Variants in PBX3 observed in about 807,000 individuals in gnomAD.
The protein encoded by PBX3 is PBX homeobox 3.
PBX3 carries 14 observed loss-of-function variants against 48.5 expected under a neutral mutation model. That is an observed-to-expected ratio of 0.29 (90% CI 0.19 to 0.45). The LOEUF (loss-of-function observed/expected upper bound fraction) is 0.45. Among genes scored for constraint, PBX3 ranks in the 20% least tolerant of loss-of-function variants. PBX3 has a pLI of 1.00. For synonymous variants in PBX3, 210 were observed against 200.3 expected (o/e 1.05, Z -0.41); for missense variants, 386 against 546.7 (o/e 0.71, Z 2.93).
At chr9:125,815,996 G>GTC (rs998970512) in intron 2 of PBX3, among the ~76,000 whole-genome samples, 15 of 151,066 alleles carry the variant, frequency 9.9e-5, no homozygotes, top group Admixed American at 2.0e-4. Context: ...GCCTCCCTCC[G>GTC]TCTCTCTCTC....
intron 2 of PBX3, among the ~76,000 whole-genome samples, chr9:125,856,972 A>T (rs886103552): frequency 1.3e-5 from 2 of 152,214 alleles, no homozygotes; most frequent in Non-Finnish European, 2.9e-5. Flanking sequence ...TTAAAGGAAT[A>T]TACAGTTTAA....
In PBX3 at chr9:125,779,729, C is replaced by T. The variant is rs201001995; in HGVS notation, c.274+31106C>T. 9.6e-3 allele frequency among the ~76,000 whole-genome samples: 1,389 copies of T among 144,596 alleles called. 5 individuals are homozygous for T. The highest frequency in any genetic ancestry group is 0.09 in the East Asian group (389 of 4,342). The allele number at this position is 144,596 out of a possible 152,430, so 94.9% of individuals were successfully genotyped here. A position where few individuals can be genotyped will look rare whatever the true frequency, so the allele number is the denominator to read the frequency against. On this transcript the variant is annotated intron_variant, in intron 2 of 8. Coordinates refer to ENST00000373489, the MANE Select transcript of PBX3 (RefSeq NM_006195.6). ...CCACCTTTTCCCCCTTTCTATTCCA[C>T]AAAACCGCCATTGTCATCCCGGCCC...
At chr9:125,965,338 G>A (rs1842508634) in intron 8 of PBX3, among the ~76,000 whole-genome samples, 1 of 152,146 alleles carries the variant, frequency 6.6e-6, no homozygotes. Flanking sequence ...GATCCTATTT[G>A]GAGGGAAATT....
At chr9:125,919,540 A>T (rs183519677) in intron 3 of PBX3, among the ~76,000 whole-genome samples, 1 of 152,024 alleles carries the variant, frequency 6.6e-6, no homozygotes, top group Admixed American at 6.6e-5. Context: ...TCCAGAAATT[A>T]TATTTTTCCT....
At chr9:125,797,080 T>C (rs193252888) in intron 2 of PBX3, among the ~76,000 whole-genome samples, 101 of 152,212 alleles carry the variant, frequency 6.6e-4, no homozygotes, top group Middle Eastern at 3.4e-3. Flanking sequence ...TTATTCATTT[T>C]AAAAAATCAA....
At chr9:125,791,445 G>T (rs1445407203) in intron 2 of PBX3, among the ~76,000 whole-genome samples, 1 of 152,104 alleles carries the variant, frequency 6.6e-6, no homozygotes, top group Non-Finnish European at 1.5e-5. Context: ...TGGAGGAGGG[G>T]CTTGGTGGCA....
intron 2 of PBX3, among the ~76,000 whole-genome samples, chr9:125,869,134 A>G (rs1430063423): frequency 7.9e-5 from 12 of 152,192 alleles, no homozygotes; most frequent in Non-Finnish European, 2.9e-5. Context: ...GACACCATTA[A>G]AAGTAATAAG....
chr9:125,824,995 T>A (rs1299093905), intron 2 of PBX3, among the ~76,000 whole-genome samples: 1 of 152,162 alleles, frequency 6.6e-6, no homozygotes, highest in Non-Finnish European at 1.5e-5. Context: ...TTAAAAATAA[T>A]TGAGAATTGC....
chr9:125,769,078 A>G (rs1449417661), intron 2 of PBX3, among the ~76,000 whole-genome samples: 1 of 152,222 alleles, frequency 6.6e-6, no homozygotes, highest in Non-Finnish European at 1.5e-5. Context: ...ATTTTGTCAC[A>G]GAATATTAAA....
At chr9:125,964,778 C>T (rs1376497717) in intron 8 of PBX3, among the ~76,000 whole-genome samples, 5 of 152,166 alleles carry the variant, frequency 3.3e-5, no homozygotes, top group Non-Finnish European at 1.5e-5. Flanking sequence ...GGAATCTAGA[C>T]AAGAGTTCTC....
chr9:125,797,346 C>T (rs1837815111), intron 2 of PBX3: 1 of 152,052 alleles, frequency 6.6e-6, no homozygotes, highest in African/African-American at 2.4e-5. Flanking sequence ...CTAAATCATA[C>T]TGTATTCTGG....
chr9:125,783,863 T>C (rs1837389579), intron 2 of PBX3, among the ~76,000 whole-genome samples: 1 of 151,920 alleles, frequency 6.6e-6, no homozygotes, highest in Non-Finnish European at 1.5e-5. Context: ...TAGCTGGGCA[T>C]GGTGGCGCAC....
intron 2 of PBX3, among the ~76,000 whole-genome samples, chr9:125,847,045 GTTGGATCTGT>G (rs1327388759): frequency 6.6e-6 from 1 of 151,906 alleles, no homozygotes. Context: ...CAAGTTGAGA[GTTGGATCTGT>G]AGGCTTAGTA....
At chr9:125,845,085 C>T (rs1381937660) in intron 2 of PBX3, 1 of 152,028 alleles carries the variant, frequency 6.6e-6, no homozygotes, top group Non-Finnish European at 1.5e-5. Flanking sequence ...TATTTAACTA[C>T]GTTAGTCAGG....
At chr9:125,840,519 CTTAGCTA>C (rs1445207554) in intron 2 of PBX3, among the ~76,000 whole-genome samples, 1 of 151,586 alleles carries the variant, frequency 6.6e-6, no homozygotes, top group Non-Finnish European at 1.5e-5. Flanking sequence ...CCTTCCATCC[CTTAGCTA>C]TAGCTAACCC....
At chr9:125,771,245 A>G (rs998945446) in intron 2 of PBX3, among the ~76,000 whole-genome samples, 5 of 152,242 alleles carry the variant, frequency 3.3e-5, no homozygotes, top group Non-Finnish European at 7.3e-5. Context: ...GTACAGGTAG[A>G]CACAACATCC....
At chr9:125,959,166 T>G (rs1842372370) in intron 5 of PBX3, among the ~76,000 whole-genome samples, 2 of 152,320 alleles carry the variant, frequency 1.3e-5, no homozygotes, top group African/African-American at 2.4e-5. Flanking sequence ...TGCATAATGG[T>G]CATTCACCAA....
At chr9:125,855,169 T>C (rs1347814596) in intron 2 of PBX3, among the ~76,000 whole-genome samples, 1 of 152,200 alleles carries the variant, frequency 6.6e-6, no homozygotes, top group East Asian at 1.9e-4. Context: ...AGAGATCTCA[T>C]CTGCAAGAAC....
At chr9:125,954,240 C>A (rs973329967) in intron 5 of PBX3, among the ~76,000 whole-genome samples, 1 of 152,168 alleles carries the variant, frequency 6.6e-6, no homozygotes, top group African/African-American at 2.4e-5. Context: ...ATGAAACCTA[C>A]ATTTGATGGT....
Sources: gnomAD v4.1 joint callset for allele counts (sites outside exome capture counted in the v4.1 genomes callset) on GRCh38, gnomAD v4.1.1 for gene constraint, MANE v1.5 for transcripts, NCBI Gene and HGNC (gene_info 2026-07-23, HGNC 2026-07-21) for gene names.